Variants in PRIM2 observed in about 807,000 individuals in gnomAD.
PRIM2 encodes DNA primase large subunit.
Under a neutral mutation model 67.3 loss-of-function variants are expected in PRIM2, and 39 were observed. The observed-to-expected ratio is 0.58, with a 90% CI of 0.45 to 0.76. PRIM2 has a LOEUF of 0.76. Among genes scored for constraint, PRIM2 ranks in the 30% least tolerant of loss-of-function variants. The probability of loss-of-function intolerance (pLI) is 0.00; values close to 1 mark genes in which losing one functional copy is unlikely to be tolerated. For synonymous variants in PRIM2, 143 were observed against 198.7 expected (o/e 0.72, Z 2.36); for missense variants, 398 against 598.7 (o/e 0.66, Z 3.50).
chr6:57,446,365 A>C (rs2127387830), intron 7 of PRIM2, among the ~76,000 whole-genome samples: 1 of 149,342 alleles, frequency 6.7e-6, no homozygotes, highest in East Asian at 2.0e-4. Flanking sequence ...ATGTGCTCAG[A>C]TAACTGGCAG....
At chr6:57,262,207 C>T in the PRIM2 span, among the ~76,000 whole-genome samples, 1 of 152,086 alleles carries the variant, frequency 6.6e-6, no homozygotes, top group Non-Finnish European at 1.5e-5. Flanking sequence ...TATTTAACCT[C>T]CTGAGCTTCC....
intron 5 of PRIM2, among the ~76,000 whole-genome samples, chr6:57,364,092 T>A (rs1769278162): frequency 6.6e-6 from 1 of 151,972 alleles, no homozygotes; most frequent in African/African-American, 2.4e-5. Flanking sequence ...TTTTCACATC[T>A]GCTATGTTGC....
At chr6:57,238,431 A>G in the PRIM2 span, among the ~76,000 whole-genome samples, 19 of 152,354 alleles carry the variant, frequency 1.2e-4, no homozygotes, top group Admixed American at 5.2e-4. Flanking sequence ...TCTCAACTAC[A>G]TGGAAACTGA....
At chr6:57,490,930 C>G (rs1479880879) in intron 7 of PRIM2, among the ~76,000 whole-genome samples, 1 of 151,862 alleles carries the variant, frequency 6.6e-6, no homozygotes, top group African/African-American at 2.4e-5. Flanking sequence ...TTGAAGAAAG[C>G]TAAGAAACAT....
chr6:57,393,452 T>C (rs1770424294), intron 7 of PRIM2, among the ~76,000 whole-genome samples: 1 of 152,236 alleles, frequency 6.6e-6, no homozygotes, highest in African/African-American at 2.4e-5. Context: ...TTTGTATATC[T>C]TCTTTTGAGA....
the PRIM2 span, among the ~76,000 whole-genome samples, chr6:57,289,476 G>C: frequency 6.6e-6 from 1 of 152,094 alleles, no homozygotes; most frequent in Non-Finnish European, 1.5e-5. Flanking sequence ...TACTCCTCGA[G>C]AAGAGCAACC....
chr6:57,541,959 G>C (rs1430937875), intron 10 of PRIM2, among the ~76,000 whole-genome samples: 4 of 148,934 alleles, frequency 2.7e-5, no homozygotes, highest in Non-Finnish European at 4.4e-5. Flanking sequence ...GAGCTGGGTG[G>C]TTGTTGTGTT....
At chr6:57,602,060 A>ATT (rs1192324407) in intron 11 of PRIM2, among the ~76,000 whole-genome samples, 2,262 of 143,520 alleles carry the variant, frequency 0.016, 65 homozygotes, top group African/African-American at 0.05. Context: ...ATAAACATAG[A>ATT]TTTTTTTTTT....
the PRIM2 span, among the ~76,000 whole-genome samples, chr6:57,307,708 T>C: frequency 3.9e-5 from 6 of 152,166 alleles, no homozygotes; most frequent in Non-Finnish European, 7.3e-5. Flanking sequence ...GAGGGTCCTT[T>C]AGAGTCTGTT....
In PRIM2 at chr6:57,571,586, G is replaced by C. The variant is rs1227794778; in HGVS notation, c.1021-29507G>C. 8.5e-5 allele frequency among the ~76,000 whole-genome samples: 13 copies of C among 152,274 alleles called. No homozygotes were observed. The East Asian group carries it at 2.5e-3, about 29-fold the overall frequency. ...AATTGCTTCCACCTGGGAGGCGTAG[G>C]TTGCAGTGAGCCGAGATAGTGCCAC... On this transcript the variant is annotated intron_variant, in intron 10 of 13. Coordinates refer to ENST00000615550, the MANE Select transcript of PRIM2 (RefSeq NM_000947.5).
chr6:57,616,335 G>A (rs1180057895), intron 12 of PRIM2, among the ~76,000 whole-genome samples: 1 of 152,140 alleles, frequency 6.6e-6, no homozygotes, highest in Non-Finnish European at 1.5e-5. Flanking sequence ...AAACTGCTCA[G>A]AACCATAGAA....
At chr6:57,591,540 T>C (rs1477158766) in intron 10 of PRIM2, among the ~76,000 whole-genome samples, 2 of 152,130 alleles carry the variant, frequency 1.3e-5, no homozygotes, top group African/African-American at 4.8e-5. Flanking sequence ...GACTCTCACT[T>C]TGTTTCTTTT....
At chr6:57,424,041 G>T (rs150072662) in intron 7 of PRIM2, among the ~76,000 whole-genome samples, 1 of 152,274 alleles carries the variant, frequency 6.6e-6, no homozygotes, top group African/African-American at 2.4e-5. Context: ...TGATGCCAGT[G>T]GTGGGTAGAT....
chr6:57,502,483 G>A (rs1456763577), intron 7 of PRIM2, among the ~76,000 whole-genome samples: 5 of 152,236 alleles, frequency 3.3e-5, no homozygotes, highest in Non-Finnish European at 4.4e-5. Context: ...CTCCACCTTT[G>A]GATCATGCTA....
the PRIM2 span, among the ~76,000 whole-genome samples, chr6:57,241,848 A>ATT: frequency 0.1 from 15,686 of 151,646 alleles, 945 homozygotes; most frequent in African/African-American, 0.16. Flanking sequence ...AATTTTTTGT[A>ATT]TTTTTAGTAG....
At chr6:57,461,584 T>C (rs1286922820) in intron 7 of PRIM2, among the ~76,000 whole-genome samples, 2 of 151,928 alleles carry the variant, frequency 1.3e-5, no homozygotes, top group African/African-American at 4.8e-5. Context: ...TGGGCTGTTG[T>C]TTTTTGCAAG....
intron 10 of PRIM2, among the ~76,000 whole-genome samples, chr6:57,592,105 G>A (rs1486856280): frequency 2.6e-4 from 39 of 151,954 alleles, no homozygotes; most frequent in Non-Finnish European, 5.1e-4. Context: ...ACTTATAAGT[G>A]GGAGCTAAAC....
intron 7 of PRIM2, among the ~76,000 whole-genome samples, chr6:57,430,907 A>C (rs1771806640): frequency 6.6e-6 from 1 of 152,182 alleles, no homozygotes; most frequent in African/African-American, 2.4e-5. Flanking sequence ...ATTTACTTCA[A>C]ATAATCTTAT....
chr6:57,240,577 T>A, the PRIM2 span, among the ~76,000 whole-genome samples: 7,124 of 151,406 alleles, frequency 0.047, 287 homozygotes, highest in African/African-American at 0.093. Context: ...CCAGCACAGG[T>A]GAGAGGTAGA....
Sources: gnomAD v4.1 joint callset for allele counts (sites outside exome capture counted in the v4.1 genomes callset) on GRCh38, gnomAD v4.1.1 for gene constraint, MANE v1.5 for transcripts, NCBI Gene and HGNC (gene_info 2026-07-23, HGNC 2026-07-21) for gene names.